PTPRN2: variants seen among roughly 807,000 people sequenced by gnomAD.
PTPRN2 encodes protein tyrosine phosphatase receptor type N2.
Under a neutral mutation model 118.8 loss-of-function variants are expected in PTPRN2, and 74 were observed. The ratio of observed to expected loss-of-function variants is 0.62; its 90% CI spans 0.52 to 0.76. PTPRN2 has a LOEUF of 0.76. Among genes scored for constraint, PTPRN2 ranks in the 30% least tolerant of loss-of-function variants. PTPRN2 has a pLI of 0.00. For synonymous variants in PTPRN2, 641 were observed against 608.0 expected, an observed-to-expected ratio of 1.05 and a Z score of -0.80; for missense variants, 1,481 against 1,394.4, an observed-to-expected ratio of 1.06 and a Z score of -0.99.
intron 5 of PTPRN2, among the ~76,000 whole-genome samples, chr7:158,191,502 CA>C (rs777718446): frequency 1.3e-5 from 2 of 152,132 alleles, no homozygotes; most frequent in Non-Finnish European, 2.9e-5. Context: ...GGCTGGGCTC[CA>C]AAGGTGATTT....
intron 1 of PTPRN2, among the ~76,000 whole-genome samples, chr7:158,542,909 A>C (rs1174319518): frequency 6.6e-6 from 1 of 152,150 alleles, no homozygotes; most frequent in Non-Finnish European, 1.5e-5. Flanking sequence ...CTGAGCTCCA[A>C]AGGGCATCAG....
intron 13 of PTPRN2, among the ~76,000 whole-genome samples, chr7:157,666,895 G>A (rs1266366586): frequency 2.7e-5 from 4 of 149,220 alleles, no homozygotes; most frequent in African/African-American, 7.4e-5. Flanking sequence ...TGATGAGTAC[G>A]AGCCCTGGCT....
chr7:157,540,783 C>T lies in PTPRN2; in HGVS notation c.2979G>A (p.Glu993=). The part of the protein sequence containing the change: ...DQRPGMVQTK[E]QFEFALTAVA... ...CGGCTGTCAGCGCGAACTCAAACTG[C>T]TCCTGCAGGGCGAGAAACGAGAGAA... Residue 993 remains glutamate, a splice_region_variant and synonymous_variant, in exon 23 of 23, where the codon GAG becomes GAA. Transcript: ENST00000389418. 1 of 1,562,398 alleles carries T rather than the reference C, an allele frequency of 6.4e-7. No homozygotes were observed. Among genetic ancestry groups the T allele is most frequent in the Non-Finnish European group, 8.7e-7 (1 of 1,152,842 alleles).
chr7:157,693,751 G>T (rs1040440682), intron 12 of PTPRN2, among the ~76,000 whole-genome samples: 5 of 152,138 alleles, frequency 3.3e-5, no homozygotes, highest in Admixed American at 6.5e-5. Flanking sequence ...CGGCGACCTC[G>T]CACCACCTTC....
chr7:158,368,512 G>T (rs1271993637), intron 2 of PTPRN2, among the ~76,000 whole-genome samples: 1 of 152,220 alleles, frequency 6.6e-6, no homozygotes, highest in Non-Finnish European at 1.5e-5. Flanking sequence ...ACTTTGAAAA[G>T]CTCAGTGTGG....
At chr7:158,080,284 T>A (rs1812694485) in intron 11 of PTPRN2, among the ~76,000 whole-genome samples, 1 of 120,928 alleles carries the variant, frequency 8.3e-6, no homozygotes. Context: ...TGCTGCATTT[T>A]ACACTGGGAA....
At chr7:158,008,086 TGGGTGTGCTGTGTGTGG>T (rs1371291274) in intron 11 of PTPRN2, among the ~76,000 whole-genome samples, 9 of 142,530 alleles carry the variant, frequency 6.3e-5, no homozygotes, top group South Asian at 2.3e-4. Context: ...TGTGTGGGTG[TGGGTGTGCTGTGTGTGG>T]GGGTGTGCTG....
intron 3 of PTPRN2, among the ~76,000 whole-genome samples, chr7:158,259,932 T>C (rs1797285163): frequency 1.4e-5 from 2 of 145,186 alleles, no homozygotes; most frequent in South Asian, 4.3e-4. Context: ...TCTGTGTCCA[T>C]GTGTCTCTGG....
At chr7:158,045,428 C>A (rs1808770516) in intron 11 of PTPRN2, among the ~76,000 whole-genome samples, 1 of 152,232 alleles carries the variant, frequency 6.6e-6, no homozygotes. Flanking sequence ...GCACCCACAT[C>A]TCCTGGTGGT....
intron 3 of PTPRN2, among the ~76,000 whole-genome samples, chr7:158,206,067 G>A (rs1585847108): frequency 6.6e-6 from 1 of 152,222 alleles, no homozygotes; most frequent in East Asian, 1.9e-4. Flanking sequence ...CTGGACTTGG[G>A]GTGCAGACAA....
chr7:157,732,057 CT>C lies in PTPRN2; in HGVS notation c.1789-49121del, dbSNP rs1301962200. Among the ~76,000 whole-genome samples the C allele has an allele frequency of 3.7e-4, 30 of 81,496 alleles. 1 individual carries two copies. Among genetic ancestry groups the C allele is most frequent in the South Asian group, 7.4e-4 (2 of 2,718 alleles). The allele number at this position is 81,496 out of a possible 152,430, so 53.5% of individuals were successfully genotyped here. On this transcript the variant is annotated intron_variant, in intron 12 of 22. Transcript: ENST00000389418. ...TCCGCCCCATGGCCCAGCACAGTTA[CT>C]CTTTTCCACCCCATGCGCCCAGCAC...
chr7:158,414,215 T>A (rs1563263967), intron 2 of PTPRN2, among the ~76,000 whole-genome samples: 1 of 151,558 alleles, frequency 6.6e-6, no homozygotes, highest in Non-Finnish European at 1.5e-5. Context: ...GAACGGCCCA[T>A]AGCAGAGCTC....
intron 11 of PTPRN2, 71 bp from the exon 12 acceptor site, chr7:157,898,808 T>C (rs771633360): frequency 7.8e-5 from 105 of 1,348,468 alleles, no homozygotes; most frequent in Non-Finnish European, 1.1e-4. Flanking sequence ...CCTCTGAGTA[T>C]TTTCCTCCAT....
intron 2 of PTPRN2, among the ~76,000 whole-genome samples, chr7:158,340,365 G>T (rs77060539): frequency 2.4e-5 from 2 of 84,928 alleles, no homozygotes; most frequent in East Asian, 3.8e-4. Flanking sequence ...GGCCCACAGA[G>T]GTCACTCACA....
intron 12 of PTPRN2, among the ~76,000 whole-genome samples, chr7:157,853,056 G>T (rs1419680235): frequency 6.6e-6 from 1 of 152,022 alleles, no homozygotes; most frequent in African/African-American, 2.4e-5. Context: ...ATGGTCTCTG[G>T]GGCCGTCCTC....
chr7:158,274,825 A>G (rs1449886865), intron 3 of PTPRN2, among the ~76,000 whole-genome samples: 1 of 152,208 alleles, frequency 6.6e-6, no homozygotes, highest in African/African-American at 2.4e-5. Flanking sequence ...TGCATTTCAC[A>G]TAGAAACACA....
At chr7:158,571,535 T>C (rs896786857) in intron 1 of PTPRN2, among the ~76,000 whole-genome samples, 7 of 144,258 alleles carry the variant, frequency 4.9e-5, no homozygotes, top group African/African-American at 1.9e-4. Flanking sequence ...CTTTTTTTTT[T>C]TTTTTTTTTT....
In PTPRN2 at chr7:158,228,970, T is replaced by A. The variant is rs570666826; in HGVS notation, c.278-23697A>T. Among the ~76,000 whole-genome samples the A allele has an allele frequency of 1.1e-4, 16 of 152,168 alleles. No homozygotes were observed. In the South Asian group the frequency reaches 1.9e-3, roughly 18 times the overall value. On this transcript the variant is annotated intron_variant, in intron 3 of 22. Coordinates refer to ENST00000389418, the MANE Select transcript of PTPRN2 (RefSeq NM_002847.5). ...GCAACTCGGTCAAAGAGGCACTCCA[T>A]CAGAGTGGCTGCTCACAGCACCACC...
At chr7:157,890,185 G>A (rs909578910) in intron 12 of PTPRN2, among the ~76,000 whole-genome samples, 1 of 151,764 alleles carries the variant, frequency 6.6e-6, no homozygotes, top group Admixed American at 6.6e-5. Context: ...AAGAGTTTTT[G>A]TTTGTTGGTT....
Sources: allele counts gnomAD v4.1 joint callset (sites outside exome capture counted in the v4.1 genomes callset), GRCh38; gene constraint gnomAD v4.1.1; transcripts MANE v1.5; gene names NCBI Gene and HGNC (gene_info 2026-07-23, HGNC 2026-07-21).